Variants in GRID2 observed in about 807,000 individuals in gnomAD.
GRID2 encodes the protein glutamate receptor ionotropic, delta-2.
In GRID2, 33 loss-of-function variants were observed where a neutral mutation model predicts 114.8. The ratio of observed to expected loss-of-function variants is 0.29; its 90% CI spans 0.22 to 0.38. The LOEUF (loss-of-function observed/expected upper bound fraction) is 0.38. GRID2 is among the 10% of genes least tolerant of loss of function. The probability of loss-of-function intolerance (pLI) is 1.00; values close to 1 mark genes in which losing one functional copy is unlikely to be tolerated. For missense variants in GRID2, 1,184 were observed against 1,257.7 expected (o/e 0.94, Z 0.89); for synonymous variants, 505 against 449.9 (o/e 1.12, Z -1.55).
At position 92,468,705 on chromosome 4, in the gene GRID2, A is replaced by G. The variant is rs2149093803; in HGVS notation, c.89-121426A>G. ...TGGATTTTTACTTTCTAGAAGTTTTATGCAAGGCTCCATAAATATATTATG... is the reference window on the plus strand; with the variant it reads ...TGGATTTTTACTTTCTAGAAGTTTTGTGCAAGGCTCCATAAATATATTATG... On this transcript the variant is annotated intron_variant, in intron 1 of 15. Coordinates refer to ENST00000282020, the MANE Select transcript of GRID2 (RefSeq NM_001510.4). Among the ~76,000 whole-genome samples, 2 of 152,176 alleles carry G rather than the reference A, an allele frequency of 1.3e-5. 1 individual carries two copies. The highest frequency in any genetic ancestry group is 4.1e-4 in the South Asian group (2 of 4,820).
At chr4:93,653,989 T>C (rs1425915634) in intron 14 of GRID2, among the ~76,000 whole-genome samples, 2 of 152,174 alleles carry the variant, frequency 1.3e-5, no homozygotes, top group African/African-American at 2.4e-5. Flanking sequence ...TAAATGTCAG[T>C]AAGCTTTTCA....
At chr4:93,066,505 T>C (rs1226112385) in intron 2 of GRID2, among the ~76,000 whole-genome samples, 2 of 151,972 alleles carry the variant, frequency 1.3e-5, no homozygotes, top group African/African-American at 2.4e-5. Context: ...AATTAATACA[T>C]TGGTCCTCCC....
Position 93,350,862 on chromosome 4 carries a change from C to T in GRID2, c.1246-44745C>T, listed in dbSNP as rs1579776973. 2.0e-5 allele frequency among the ~76,000 whole-genome samples: 3 copies of T among 152,070 alleles called. No homozygotes were observed. In the East Asian group the frequency reaches 5.8e-4, roughly 29 times the overall value. ...TTCTCATGCTGCTAATAAAGACATA[C>T]CCAAGTCTGGGTTATTTATAAAGGA... is the stretch of plus-strand genomic sequence containing the variant. On this transcript the variant is annotated intron_variant, in intron 8 of 15. Coordinates refer to ENST00000282020, the MANE Select transcript of GRID2 (RefSeq NM_001510.4).
chr4:93,718,986 T>A (rs989194599), intron 14 of GRID2, among the ~76,000 whole-genome samples: 2 of 152,082 alleles, frequency 1.3e-5, no homozygotes, highest in African/African-American at 4.8e-5. Flanking sequence ...TGATGATGGA[T>A]GATTAAATAA....
intron 2 of GRID2, among the ~76,000 whole-genome samples, chr4:93,000,485 T>G (rs982757751): frequency 6.6e-6 from 1 of 151,606 alleles, no homozygotes; most frequent in Admixed American, 6.6e-5. Context: ...TATAGCTTAT[T>G]AAAAATAATC....
chr4:93,332,040 T>C (rs945263991), intron 8 of GRID2, among the ~76,000 whole-genome samples: 3 of 152,086 alleles, frequency 2.0e-5, no homozygotes, highest in Non-Finnish European at 4.4e-5. Flanking sequence ...ATATAGCATC[T>C]AACTTAAACT....
In GRID2 at chr4:92,877,780, A is replaced by G. The variant is rs143092316; in HGVS notation, c.245-207215A>G. 3.5e-3 allele frequency among the ~76,000 whole-genome samples: 539 copies of G among 152,304 alleles called. 2 individuals carry two copies. The highest frequency in any genetic ancestry group is 4.8e-3 in the Non-Finnish European group (325 of 68,012). On this transcript the variant is annotated intron_variant, in intron 2 of 15. Coordinates refer to ENST00000282020, the MANE Select transcript of GRID2 (RefSeq NM_001510.4). ...GGATTTATGCCACACCTTTAGGGACAAAGATCAAGCATCCTTAGCTACTTT... is the reference window on the plus strand; with the variant it reads ...GGATTTATGCCACACCTTTAGGGACGAAGATCAAGCATCCTTAGCTACTTT...
chr4:93,393,333 G>T (rs1765029547), intron 8 of GRID2, among the ~76,000 whole-genome samples: 1 of 151,854 alleles, frequency 6.6e-6, no homozygotes, highest in Non-Finnish European at 1.5e-5. Flanking sequence ...TGTTATCAAA[G>T]GATGTATGAG....
intron 2 of GRID2, among the ~76,000 whole-genome samples, chr4:92,909,354 T>TC (rs1390797271): frequency 6.6e-6 from 1 of 152,088 alleles, no homozygotes; most frequent in African/African-American, 2.4e-5. Context: ...GAGCACTTTT[T>TC]CACATATTTT....
intron 1 of GRID2, among the ~76,000 whole-genome samples, chr4:92,355,821 A>G (rs755098904): frequency 6.6e-6 from 1 of 151,834 alleles, no homozygotes; most frequent in Non-Finnish European, 1.5e-5. Context: ...CAGGTATGTG[A>G]CACAGATCAA....
At chr4:92,834,774 A>G (rs889462009) in intron 2 of GRID2, among the ~76,000 whole-genome samples, 5 of 152,144 alleles carry the variant, frequency 3.3e-5, no homozygotes, top group African/African-American at 1.2e-4. Context: ...TTTTATCCTA[A>G]TGAGGCCTGT....
At chr4:92,376,519 A>G (rs1729364018) in intron 1 of GRID2, among the ~76,000 whole-genome samples, 1 of 151,976 alleles carries the variant, frequency 6.6e-6, no homozygotes, top group Admixed American at 6.6e-5. Context: ...TGGATCTACC[A>G]TTCTGGGGTC....
intron 2 of GRID2, among the ~76,000 whole-genome samples, chr4:92,770,943 CTTATT>C (rs1472286840): frequency 6.6e-6 from 1 of 152,056 alleles, no homozygotes; most frequent in Non-Finnish European, 1.5e-5. Flanking sequence ...ATCTATGACA[CTTATT>C]TTAAGAAGGT....
chr4:93,694,662 C>G (rs972333323), intron 14 of GRID2, among the ~76,000 whole-genome samples: 8 of 152,148 alleles, frequency 5.3e-5, no homozygotes, highest in African/African-American at 1.9e-4. Flanking sequence ...ATTATGGAAT[C>G]AAAATTTTTC....
chr4:92,469,434 G>A (rs1001876877), intron 1 of GRID2, among the ~76,000 whole-genome samples: 7 of 151,928 alleles, frequency 4.6e-5, no homozygotes, highest in Admixed American at 6.6e-5. Flanking sequence ...TATAACCTAC[G>A]CACATCTTCC....
At chr4:93,712,552 T>G (rs548794380) in intron 14 of GRID2, among the ~76,000 whole-genome samples, 12 of 152,278 alleles carry the variant, frequency 7.9e-5, no homozygotes, top group Admixed American at 3.3e-4. Context: ...ATTTATTAAT[T>G]TCTGGTTTCA....
chr4:92,610,803 G>A (rs1237094898), intron 2 of GRID2, among the ~76,000 whole-genome samples: 1 of 151,576 alleles, frequency 6.6e-6, no homozygotes, highest in African/African-American at 2.4e-5. Context: ...TCATTAAATG[G>A]AATTAGATAA....
chr4:93,322,176 C>T (rs1757299746), intron 8 of GRID2, among the ~76,000 whole-genome samples: 1 of 151,926 alleles, frequency 6.6e-6, no homozygotes, highest in Non-Finnish European at 1.5e-5. Flanking sequence ...AGGTTTATCT[C>T]CTAATGCTAT....
chr4:93,170,968 C>T (rs576739845), intron 4 of GRID2, among the ~76,000 whole-genome samples: 1 of 152,042 alleles, frequency 6.6e-6, no homozygotes, highest in Non-Finnish European at 1.5e-5. Context: ...CTAGGCCAAA[C>T]CATCATGTAC....
Sources: allele counts gnomAD v4.1 joint callset (sites outside exome capture counted in the v4.1 genomes callset), GRCh38; gene constraint gnomAD v4.1.1; transcripts MANE v1.5; gene names NCBI Gene and HGNC (gene_info 2026-07-23, HGNC 2026-07-21).